NCAM2: variants seen among roughly 807,000 people sequenced by gnomAD.
The protein encoded by NCAM2 is neural cell adhesion molecule 2.
A neutral mutation model predicts 98.1 loss-of-function variants in NCAM2; 30 were observed. The ratio of observed to expected loss-of-function variants is 0.31; its 90% CI spans 0.23 to 0.41. The LOEUF is 0.41. Ranked by LOEUF, NCAM2 falls within the 10% of genes least tolerant of loss-of-function variation. The pLI is 1.00. For missense variants in NCAM2, 867 were observed against 1,005.8 expected (o/e 0.86, Z 1.87); for synonymous variants, 368 against 342.4 (o/e 1.07, Z -0.83).
chr21:21,288,792 C>T (rs2073191350), intron 4 of NCAM2, among the ~76,000 whole-genome samples: 1 of 151,802 alleles, frequency 6.6e-6, no homozygotes, highest in Admixed American at 6.6e-5. Flanking sequence ...ATTTATTTTG[C>T]CATAATCTGA....
intron 16 of NCAM2, among the ~76,000 whole-genome samples, chr21:21,516,175 C>T (rs557831860): frequency 4.7e-4 from 71 of 152,258 alleles, no homozygotes; most frequent in African/African-American, 1.6e-3. Context: ...TGTACTCTTT[C>T]GTGTCTGGCT....
At chr21:21,052,975 T>G (rs1311082372) in intron 1 of NCAM2, among the ~76,000 whole-genome samples, 2 of 152,120 alleles carry the variant, frequency 1.3e-5, no homozygotes, top group Non-Finnish European at 2.9e-5. Context: ...TTATTCTCCT[T>G]ACCATTTCTT....
At chr21:21,027,327 T>C (rs1316013535) in intron 1 of NCAM2, among the ~76,000 whole-genome samples, 1 of 152,262 alleles carries the variant, frequency 6.6e-6, no homozygotes, top group Non-Finnish European at 1.5e-5. Context: ...GAGAGTCAAC[T>C]GTTTACCAGT....
At chr21:21,374,753 C>T (rs542811617) in intron 9 of NCAM2, among the ~76,000 whole-genome samples, 5 of 151,836 alleles carry the variant, frequency 3.3e-5, no homozygotes, top group Non-Finnish European at 5.9e-5. Context: ...AAGGACATAG[C>T]TGTTCTTAGT....
intron 12 of NCAM2, among the ~76,000 whole-genome samples, chr21:21,443,748 G>T (rs1979668888): frequency 6.6e-6 from 1 of 152,092 alleles, no homozygotes; most frequent in South Asian, 2.1e-4. Context: ...ATTTCTCAGA[G>T]GTTCAAGGTC....
intron 16 of NCAM2, among the ~76,000 whole-genome samples, chr21:21,531,925 G>A (rs1989722851): frequency 4.3e-3 from 1 of 230 alleles, no homozygotes; most frequent in African/African-American, 0.016. Flanking sequence ...CCCAGGAGCG[G>A]AGCTTGGCAG....
intron 1 of NCAM2, among the ~76,000 whole-genome samples, chr21:21,007,842 T>A (rs1449212672): frequency 6.6e-6 from 1 of 152,158 alleles, no homozygotes; most frequent in Admixed American, 6.5e-5. Context: ...GAATGCCTAA[T>A]CATCTGGGAA....
chr21:21,093,456 G>A (rs193054514), intron 1 of NCAM2, among the ~76,000 whole-genome samples: 1 of 152,076 alleles, frequency 6.6e-6, no homozygotes, highest in East Asian at 1.9e-4. Flanking sequence ...TTGACATCTT[G>A]GCATTATCCT....
intron 9 of NCAM2, among the ~76,000 whole-genome samples, chr21:21,392,709 G>A (rs1281492429): frequency 6.6e-6 from 1 of 152,134 alleles, no homozygotes; most frequent in Admixed American, 6.6e-5. Flanking sequence ...CAGTGATATT[G>A]AGCTTTTTAT....
intron 16 of NCAM2, among the ~76,000 whole-genome samples, chr21:21,511,250 CTG>C (rs1368032239): frequency 6.6e-6 from 1 of 151,998 alleles, no homozygotes; most frequent in Non-Finnish European, 1.5e-5. Flanking sequence ...TACCCATTAA[CTG>C]TTCCTACTTA....
At chr21:21,220,143 ATTG>A (rs1014015738) in intron 1 of NCAM2, among the ~76,000 whole-genome samples, 9 of 152,172 alleles carry the variant, frequency 5.9e-5, no homozygotes, top group African/African-American at 1.7e-4. Context: ...TTTTTAATAA[ATTG>A]TTGTAGCCTA....
chr21:21,347,915 A>G (rs232377), intron 8 of NCAM2, among the ~76,000 whole-genome samples: 65,757 of 151,854 alleles, frequency 0.43, 14,456 homozygotes, highest in East Asian at 0.59. Flanking sequence ...TTTAACATCC[A>G]TTCATGATAA....
At chr21:21,523,222 G>A (rs940136148) in intron 16 of NCAM2, among the ~76,000 whole-genome samples, 2 of 151,650 alleles carry the variant, frequency 1.3e-5, no homozygotes, top group Non-Finnish European at 2.9e-5. Flanking sequence ...TTTTTGTTTT[G>A]GTTGCCTGTG....
intron 1 of NCAM2, among the ~76,000 whole-genome samples, chr21:21,254,464 G>A (rs959019353): frequency 1.3e-5 from 2 of 152,120 alleles, no homozygotes; most frequent in Non-Finnish European, 2.9e-5. Flanking sequence ...TAGTTAAGTC[G>A]TGTTTGTGGA....
intron 15 of NCAM2, among the ~76,000 whole-genome samples, chr21:21,489,930 C>A (rs541679524): frequency 1.1e-3 from 1 of 914 alleles, no homozygotes; most frequent in South Asian, 0.036. Context: ...TGTATTATTC[C>A]TTCTATATAC....
chr21:21,340,637 A>G (rs1369910654), intron 8 of NCAM2, among the ~76,000 whole-genome samples: 1 of 151,986 alleles, frequency 6.6e-6, no homozygotes, highest in Non-Finnish European at 1.5e-5. Context: ...TATTTCTATT[A>G]TATTTCTCCA....
At chr21:21,312,497 A>G (rs777913544) in intron 5 of NCAM2, among the ~76,000 whole-genome samples, 7 of 151,670 alleles carry the variant, frequency 4.6e-5, no homozygotes, top group Non-Finnish European at 1.0e-4. Context: ...TACTCAATTA[A>G]TCTATCCAAC....
At chr21:21,468,971 G>A (rs935940281) in intron 14 of NCAM2, among the ~76,000 whole-genome samples, 188 bp downstream of exon 14, 2 of 151,760 alleles carry the variant, frequency 1.3e-5, no homozygotes, top group African/African-American at 2.4e-5. Flanking sequence ...TCTAAGCATG[G>A]ATCATCAAAG....
intron 1 of NCAM2, among the ~76,000 whole-genome samples, chr21:21,279,881 A>G (rs79874479): frequency 0.01 from 1,556 of 152,344 alleles, 20 homozygotes; most frequent in Middle Eastern, 0.034. Flanking sequence ...GAAAGTGGTC[A>G]TGCTCTCTTT....
Sources: gnomAD v4.1 joint callset for allele counts (sites outside exome capture counted in the v4.1 genomes callset) on GRCh38, gnomAD v4.1.1 for gene constraint, MANE v1.5 for transcripts, NCBI Gene and HGNC (gene_info 2026-07-23, HGNC 2026-07-21) for gene names.